Variants in FGF13 observed in about 807,000 individuals in gnomAD.
FGF13 encodes the protein fibroblast growth factor homologous factor 2.
In FGF13, 2 loss-of-function variants were observed where a neutral mutation model predicts 19.5. The ratio of observed to expected loss-of-function variants is 0.10; its 90% CI spans 0.04 to 0.32. The LOEUF (loss-of-function observed/expected upper bound fraction) is 0.32, where lower values mean the gene tolerates loss of function less well. Ranked by LOEUF, FGF13 falls within the 10% of genes least tolerant of loss-of-function variation. The pLI, the probability that FGF13 is intolerant of heterozygous loss-of-function variation, is 1.00. For missense variants in FGF13, 113 were observed against 192.7 expected, an observed-to-expected ratio of 0.59 and a Z score of 2.45; for synonymous variants, 72 against 76.9, an observed-to-expected ratio of 0.94 and a Z score of 0.33.
chrX:138,952,002 C>T (rs1238965090), intron 1 of FGF13, among the ~76,000 whole-genome samples: 1 of 111,373 alleles, frequency 9.0e-6, no homozygotes, highest in Non-Finnish European at 1.9e-5. Context: ...GCCATACTGC[C>T]CAAGGTAATT....
rs200700942 is a variant in FGF13 at position 139,069,969 on chromosome X, C to CA, written c.-113+133446dup. On this transcript the variant is annotated intron_variant, in intron 1 of 2. Transcript: ENST00000421460. Reference sequence around the variant, plus strand: ...CTGGATCCCTTCCTTACACCTTATACAAAAAATAACTCAAAATGGATTAAA... The same window carrying CA: ...CTGGATCCCTTCCTTACACCTTATACAAAAAAATAACTCAAAATGGATTAAA... 7.4e-3 allele frequency among the ~76,000 whole-genome samples: 830 copies of CA among 112,095 alleles called. 9 individuals carry two copies. Among genetic ancestry groups the CA allele is most frequent in the African/African-American group, 0.024 (745 of 30,902 alleles).
At chrX:139,160,841 G>A (rs2084025222) in intron 1 of FGF13, among the ~76,000 whole-genome samples, 3 of 111,808 alleles carry the variant, frequency 2.7e-5, no homozygotes. Context: ...TTCTGAAATC[G>A]AGGCAGTAAT....
At chrX:139,088,215 T>G (rs1014686227) in intron 1 of FGF13, among the ~76,000 whole-genome samples, 2 of 112,098 alleles carry the variant, frequency 1.8e-5, no homozygotes, top group Non-Finnish European at 3.8e-5. Context: ...TCCCAGCCTC[T>G]GGGGGTTTAC....
intron 1 of FGF13, among the ~76,000 whole-genome samples, chrX:139,172,301 G>T: frequency 8.9e-6 from 1 of 111,909 alleles, no homozygotes; most frequent in Middle Eastern, 4.6e-3. Context: ...CCTGCAGCAG[G>T]TTGTAAGGCC....
upstream of FGF13, among the ~76,000 whole-genome samples, chrX:139,204,470 C>T (rs2084449482): frequency 1.8e-5 from 2 of 112,458 alleles, no homozygotes; most frequent in South Asian, 7.2e-4. Flanking sequence ...CGCTCGCAAC[C>T]CCCGGGGCGG....
chrX:139,100,565 A>C (rs1035575076), intron 1 of FGF13, among the ~76,000 whole-genome samples: 9 of 111,650 alleles, frequency 8.1e-5, no homozygotes, highest in African/African-American at 2.9e-4. Flanking sequence ...TTACGTTTAA[A>C]GGACCATGAT....
Position 139,100,559 on chromosome X carries a change from G to A in FGF13, c.-113+102857C>T, listed in dbSNP as rs142753541. On this transcript the variant is annotated intron_variant, in intron 1 of 2. Transcript: ENST00000421460. ...ACTACCAACTGAAAAAAAAACTTACGTTTAAAGGACCATGATGAGAACTCT... is the reference window on the plus strand; with the variant it reads ...ACTACCAACTGAAAAAAAAACTTACATTTAAAGGACCATGATGAGAACTCT... Among the ~76,000 whole-genome samples, 855 of 111,012 alleles carry A rather than the reference G, an allele frequency of 7.7e-3. 3 individuals carry two copies. The highest frequency in any genetic ancestry group is 0.014 in the Middle Eastern group (3 of 219).
intron 3 of FGF13, among the ~76,000 whole-genome samples, chrX:138,772,248 C>A (rs996935889): frequency 9.2e-6 from 1 of 108,678 alleles, no homozygotes; most frequent in Non-Finnish European, 1.9e-5. Context: ...AAACATTAGG[C>A]TAAATGTTCC....
At chrX:139,065,628 C>A (rs778006748) in intron 1 of FGF13, among the ~76,000 whole-genome samples, 3 of 110,849 alleles carry the variant, frequency 2.7e-5, no homozygotes, top group African/African-American at 6.6e-5. Flanking sequence ...AGCTAACTAT[C>A]CTAAATACAT....
At chrX:139,096,984 C>T (rs1456891556) in intron 1 of FGF13, among the ~76,000 whole-genome samples, 1 of 111,561 alleles carries the variant, frequency 9.0e-6, no homozygotes, top group Non-Finnish European at 1.9e-5. Context: ...TTTTATGGAG[C>T]TATTCTCACC....
rs145511283 is a variant in FGF13, at chrX:139,037,128, G to A, written c.-113+166288C>T. On this transcript the variant is annotated intron_variant, in intron 1 of 2. Coordinates refer to the FGF13 transcript ENST00000421460. Reference sequence around the variant, plus strand: ...TTGTCCCACATCTCCCTGAAGCCTCGCTTTCTTCTGCTGCTTCTCTGCAGA... The same window carrying A: ...TTGTCCCACATCTCCCTGAAGCCTCACTTTCTTCTGCTGCTTCTCTGCAGA... Among the ~76,000 whole-genome samples the A allele has an allele frequency of 9.5e-3, 1,055 of 110,905 alleles. 10 individuals carry two copies. Among genetic ancestry groups the A allele is most frequent in the African/African-American group, 0.032 (979 of 30,534 alleles).
intron 1 of FGF13, among the ~76,000 whole-genome samples, chrX:139,016,762 C>A (rs1309132492): frequency 9.0e-6 from 1 of 111,430 alleles, no homozygotes; most frequent in Non-Finnish European, 1.9e-5. Context: ...CCTCCCTGGT[C>A]TCCAGTTTGC....
chrX:138,685,374 C>T (rs191278830), intron 3 of FGF13, among the ~76,000 whole-genome samples: 29 of 110,895 alleles, frequency 2.6e-4, no homozygotes, highest in African/African-American at 6.9e-4. Context: ...GCCAGCACCC[C>T]TAACAAATAA....
chrX:138,792,827 A>G (rs1324845503), intron 3 of FGF13, among the ~76,000 whole-genome samples: 2 of 111,496 alleles, frequency 1.8e-5, no homozygotes, highest in East Asian at 5.7e-4. Flanking sequence ...GGGGATGTCA[A>G]GTCCCCTGTA....
At chrX:138,896,990 T>G (rs1233046566) in intron 1 of FGF13, among the ~76,000 whole-genome samples, 1 of 111,649 alleles carries the variant, frequency 9.0e-6, no homozygotes, top group Non-Finnish European at 1.9e-5. Flanking sequence ...CATGTACATG[T>G]TGGGGCCACT....
At chrX:139,072,276 T>TACACACACAC (rs761988012) in intron 1 of FGF13, among the ~76,000 whole-genome samples, 8 of 99,090 alleles carry the variant, frequency 8.1e-5, no homozygotes, top group African/African-American at 3.0e-4. Context: ...TCTCTCTCTC[T>TACACACACAC]ACACACACAC....
chrX:138,881,264 T>G lies in FGF13; in HGVS notation c.-112-16614A>C, dbSNP rs112359097. Among the ~76,000 whole-genome samples, 586 of 112,005 alleles carry G rather than the reference T, an allele frequency of 5.2e-3. 1 individual carries two copies. Among genetic ancestry groups the G allele is most frequent in the Middle Eastern group, 0.014 (3 of 219 alleles). ...GTTTAGAGATACAACCAAATTTACA[T>G]GTTGTTTTTGCACCCTGCAATTTTG... On this transcript the variant is annotated intron_variant, in intron 1 of 2. Transcript: ENST00000421460.
downstream of FGF13, among the ~76,000 whole-genome samples, chrX:138,857,172 G>C (rs979281780): frequency 1.2e-4 from 14 of 112,241 alleles, no homozygotes; most frequent in Admixed American, 1.1e-3. Context: ...GCTGACTGCT[G>C]CTTCAGGAAT....
intron 1 of FGF13, among the ~76,000 whole-genome samples, chrX:139,050,847 T>C (rs2092301470): frequency 8.9e-6 from 1 of 112,272 alleles, no homozygotes; most frequent in Non-Finnish European, 1.9e-5. Flanking sequence ...GCCTTTACTA[T>C]ATGTGTATAA....
Sources: gnomAD v4.1 joint callset for allele counts (sites outside exome capture counted in the v4.1 genomes callset) on GRCh38, gnomAD v4.1.1 for gene constraint, MANE v1.5 for transcripts, NCBI Gene and HGNC (gene_info 2026-07-23, HGNC 2026-07-21) for gene names.